The following SCFD1 variants were observed in gnomAD, a reference collection of about 807,000 sequenced individuals.
SCFD1 encodes sec1 family domain containing 1.
A neutral mutation model predicts 103.2 loss-of-function variants in SCFD1; 37 were observed. The observed-to-expected ratio is 0.36, with a 90% confidence interval of 0.28 to 0.47. The LOEUF (loss-of-function observed/expected upper bound fraction) is 0.47, where lower values mean the gene tolerates loss of function less well. SCFD1 is among the 20% of genes least tolerant of loss of function. The pLI is 1.00. For missense variants in SCFD1, 639 were observed against 761.2 expected (o/e 0.84, Z 1.89); for synonymous variants, 264 against 245.0 (o/e 1.08, Z -0.73).
At chr14:30,682,943 T>C (rs2139262908) in intron 14 of SCFD1, 1 of 465,048 alleles carries the variant, frequency 2.2e-6, no homozygotes, top group Non-Finnish European at 3.7e-6. Context: ...AAAAATAATA[T>C]CACAGCTCAT....
At chr14:30,708,096 A>T (rs759335406) in intron 19 of SCFD1, 31 bp downstream of exon 19, 10 of 1,399,780 alleles carry the variant, frequency 7.1e-6, no homozygotes, top group Middle Eastern at 1.8e-4. Flanking sequence ...ACATACTGGT[A>T]ACTTTTAAAC....
intron 3 of SCFD1, among the ~76,000 whole-genome samples, chr14:30,631,906 C>T (rs1295851562): frequency 4.6e-5 from 7 of 151,834 alleles, no homozygotes; most frequent in African/African-American, 1.7e-4. Flanking sequence ...ATTAGCTGGG[C>T]ATGGTGGCGT....
chr14:30,632,676 T>C (rs1884301675), intron 3 of SCFD1, among the ~76,000 whole-genome samples: 1 of 152,220 alleles, frequency 6.6e-6, no homozygotes, highest in Non-Finnish European at 1.5e-5. Context: ...GTTTAACTCC[T>C]TTATTTACTA....
intron 11 of SCFD1, among the ~76,000 whole-genome samples, chr14:30,671,776 T>G (rs947153437): frequency 6.6e-6 from 1 of 151,992 alleles, no homozygotes; most frequent in Admixed American, 6.6e-5. Context: ...TTCAGAAGGT[T>G]GTTGAGAAGA....
rs531408528 is a variant in SCFD1, at chr14:30,706,859, C to A, written c.1553+974C>A. On this transcript the variant is annotated intron_variant, in intron 18 of 24. Coordinates refer to ENST00000458591, the MANE Select transcript of SCFD1 (RefSeq NM_016106.4). Reference sequence around the variant, plus strand: ...AATTTCCAAAAACAAAAGCACTCAGCCTTATAAGTACTTGGCAAAAGGAAT... The same window carrying A: ...AATTTCCAAAAACAAAAGCACTCAGACTTATAAGTACTTGGCAAAAGGAAT... Among the ~76,000 whole-genome samples, 160 of 152,290 alleles carry A rather than the reference C, an allele frequency of 1.1e-3. 3 individuals carry two copies. Among genetic ancestry groups the A allele is most frequent in the Non-Finnish European group, 2.1e-3 (144 of 68,020 alleles).
Position 30,638,367 on chromosome 14 carries a change from C to T in SCFD1, c.435+120C>T, listed in dbSNP as rs1884942936. The T allele has an allele frequency of 2.9e-6, 4 of 1,377,258 alleles. No individual in the cohort carries two copies. In the East Asian group the frequency reaches 1.0e-4, roughly 36 times the overall value. 85.3% of individuals were successfully genotyped at this position (1,377,258 alleles called of 1,614,324 possible). ...GACCAGAACAACAGAATTGTTTAGG[C>T]TCAATACTTTTATAAAGAGTTCTGA... On this transcript the variant is annotated intron_variant, in intron 5 of 24. Transcript: ENST00000458591.
intron 6 of SCFD1, among the ~76,000 whole-genome samples, chr14:30,642,370 G>T (rs556291626): frequency 9.5e-4 from 145 of 152,300 alleles, no homozygotes; most frequent in African/African-American, 3.2e-3. Flanking sequence ...GATTACAGGT[G>T]TGAGCTACCA....
chr14:30,670,161 A>G lies in SCFD1; in HGVS notation c.856-95A>G, dbSNP rs1007311644. 5.0e-5 allele frequency: 48 copies of G among 953,038 alleles called. 1 individual carries two copies. The highest frequency in any genetic ancestry group is 2.7e-5 in the Admixed American group (1 of 36,526). 59.0% of individuals were successfully genotyped at this position (953,038 alleles called of 1,614,324 possible). A position where few individuals can be genotyped will look rare whatever the true frequency, so the allele number is the denominator to read the frequency against. On this transcript the variant is annotated intron_variant, in intron 10 of 24. Coordinates refer to ENST00000458591, the MANE Select transcript of SCFD1 (RefSeq NM_016106.4). ...AGGAGATGTTTTAAATTTCAGATCTATATTTTGTCCTTGGAAACATTAGAA... is the reference window on the plus strand; with the variant it reads ...AGGAGATGTTTTAAATTTCAGATCTGTATTTTGTCCTTGGAAACATTAGAA...
At chr14:30,667,629 G>C (rs1408097598) in intron 10 of SCFD1, among the ~76,000 whole-genome samples, 2 of 152,208 alleles carry the variant, frequency 1.3e-5, no homozygotes, top group Middle Eastern at 3.2e-3. Flanking sequence ...CCTGTTGGTA[G>C]ATGACATGAT....
At chr14:30,643,793 C>T (rs1032757269) in intron 7 of SCFD1, 15 of 308,116 alleles carry the variant, frequency 4.9e-5, no homozygotes, top group Non-Finnish European at 7.6e-5. Flanking sequence ...GCCCAAGGCT[C>T]CAGAAAACAT....
intron 23 of SCFD1, among the ~76,000 whole-genome samples, chr14:30,729,869 ATTTTT>A (rs113239037): frequency 2.5e-4 from 37 of 147,014 alleles, no homozygotes; most frequent in African/African-American, 9.1e-4. Context: ...TACGAAAGGC[ATTTTT>A]TTTTTTTAAG....
At position 30,722,688 on chromosome 14, in the gene SCFD1, TATG is replaced by T. The variant is rs780126606; in HGVS notation, c.1836+132_1836+134del. ...AAAGGTAGTTTTAAAATCATGCATA[TATG>T]ATTTTTAAATGTTTATTGTTTTCCT... is the stretch of plus-strand genomic sequence containing the variant. On this transcript the variant is annotated intron_variant, in intron 23 of 24. Coordinates refer to ENST00000458591, the MANE Select transcript of SCFD1 (RefSeq NM_016106.4). The T allele has an allele frequency of 1.5e-5, 7 of 473,000 alleles. No individual in the cohort carries two copies. In the South Asian group the frequency reaches 1.7e-4, roughly 12 times the overall value. 29.3% of individuals were successfully genotyped at this position (473,000 alleles called of 1,614,324 possible).
chr14:30,700,292 G>T lies in SCFD1; in HGVS notation c.1410+34G>T, dbSNP rs755821753. The stretch of plus-strand genomic sequence containing the variant: ...TTTATTCAGTTATTGGGAGGAAGGG[G>T]AATGCTTGTTTGTAGACTACTACAA... On this transcript the variant is annotated intron_variant, in intron 16 of 24. Transcript: ENST00000458591. The T allele has an allele frequency of 1.1e-5, 15 of 1,369,566 alleles. No individual in the cohort carries two copies. In the Admixed American group the frequency reaches 2.6e-4, roughly 24 times the overall value. 84.8% of individuals were successfully genotyped at this position (1,369,566 alleles called of 1,614,324 possible). A position where few individuals can be genotyped will look rare whatever the true frequency, so the allele number is the denominator to read the frequency against.
intron 21 of SCFD1, 111 bp downstream of exon 21, chr14:30,719,488 C>G (rs890311903): frequency 4.2e-6 from 3 of 706,392 alleles, no homozygotes; most frequent in African/African-American, 1.8e-5. Context: ...ATGGAAAACT[C>G]GTAAGGAAAC....
chr14:30,728,855 T>G (rs866704570), intron 23 of SCFD1, among the ~76,000 whole-genome samples: 2 of 143,982 alleles, frequency 1.4e-5, no homozygotes. Flanking sequence ...TTTTTTTTTT[T>G]TCCCCCCGAG....
chr14:30,707,688 A>G (rs1566649495), intron 18 of SCFD1: 1 of 351,878 alleles, frequency 2.8e-6, no homozygotes, highest in Non-Finnish European at 5.5e-6. Flanking sequence ...CTCGCAAAAA[A>G]AAAATATAGC....
At chr14:30,623,303 A>G (rs1043360961) in intron 1 of SCFD1, among the ~76,000 whole-genome samples, 7 of 152,242 alleles carry the variant, frequency 4.6e-5, no homozygotes, top group African/African-American at 1.7e-4. Context: ...AAATATGAAT[A>G]GGAAAATAAA....
intron 23 of SCFD1, among the ~76,000 whole-genome samples, chr14:30,723,054 G>C (rs1305637548): frequency 6.6e-6 from 1 of 152,106 alleles, no homozygotes; most frequent in Non-Finnish European, 1.5e-5. Context: ...AAGGAAGGAA[G>C]GAAGGGGCAT....
chr14:30,734,062 A>T (rs1166444652), intron 23 of SCFD1, among the ~76,000 whole-genome samples: 1 of 152,184 alleles, frequency 6.6e-6, no homozygotes, highest in Non-Finnish European at 1.5e-5. Flanking sequence ...CATCTAGGAC[A>T]TGTATTCAGC....
Sources: gnomAD v4.1 joint callset for allele counts (sites outside exome capture counted in the v4.1 genomes callset) on GRCh38, gnomAD v4.1.1 for gene constraint, MANE v1.5 for transcripts, NCBI Gene and HGNC (gene_info 2026-07-23, HGNC 2026-07-21) for gene names.